The following TMEM260 variants were observed in gnomAD, a reference collection of about 807,000 sequenced individuals.
The protein encoded by TMEM260 is transmembrane protein 260, also known as protein O-mannosyl-transferase TMEM260.
A neutral mutation model predicts 88.9 loss-of-function variants in TMEM260; 82 were observed. The ratio of observed to expected loss-of-function variants is 0.92; its 90% confidence interval spans 0.77 to 1.11. The LOEUF (loss-of-function observed/expected upper bound fraction) is 1.11. TMEM260 is among the 50% of genes least tolerant of loss of function. The pLI is 0.00. For missense variants in TMEM260, 902 were observed against 853.4 expected (o/e 1.06, Z -0.71); for synonymous variants, 314 against 309.3 (o/e 1.02, Z -0.16).
chr14:56,641,184 G>A (rs570484761), intron 15 of TMEM260, among the ~76,000 whole-genome samples: 43 of 151,502 alleles, frequency 2.8e-4, no homozygotes, highest in East Asian at 1.4e-3. Flanking sequence ...GATACTCCTC[G>A]AGAAGAGCAA....
At chr14:56,611,810 T>G (rs1050779389) in intron 6 of TMEM260, among the ~76,000 whole-genome samples, 3 of 152,166 alleles carry the variant, frequency 2.0e-5, no homozygotes, top group Non-Finnish European at 4.4e-5. Context: ...AATGGTAGAC[T>G]GGATTTTTTT....
chr14:56,585,716 C>G, intron 2 of TMEM260, 45 bp from the exon 3 acceptor site: 3 of 1,590,452 alleles, frequency 1.9e-6, no homozygotes, highest in Non-Finnish European at 2.6e-6. Context: ...GGGACTCTTC[C>G]TTTCCTAGAT....
intron 7 of TMEM260, chr14:56,612,677 G>T: frequency 6.5e-6 from 1 of 154,660 alleles, no homozygotes; most frequent in Non-Finnish European, 1.4e-5. Context: ...GTATATGTTT[G>T]TACAGACAGT....
intron 11 of TMEM260, among the ~76,000 whole-genome samples, chr14:56,622,342 CAAAAAAA>C (rs71448489): frequency 8.0e-5 from 7 of 87,246 alleles, no homozygotes; most frequent in African/African-American, 3.4e-4. Flanking sequence ...GACTCCGTCT[CAAAAAAA>C]AAAAAAAAAA....
At chr14:56,630,494 A>T (rs1298924051) in intron 12 of TMEM260, among the ~76,000 whole-genome samples, 1 of 151,692 alleles carries the variant, frequency 6.6e-6, no homozygotes, top group African/African-American at 2.4e-5. Flanking sequence ...ATGTCTTCAA[A>T]TTCCCTGACA....
rs1218882311 is a variant in TMEM260, at chr14:56,584,986, A to G, written c.161-15A>G. 6.2e-7 allele frequency: 1 copy of G among 1,609,322 alleles called. No individual in the cohort carries two copies. The highest frequency in any genetic ancestry group is 1.3e-5 in the African/African-American group (1 of 74,822). On this transcript the variant is annotated splice_polypyrimidine_tract_variant and intron_variant, in intron 1 of 15. Coordinates refer to ENST00000261556, the MANE Select transcript of TMEM260 (RefSeq NM_017799.4). The stretch of plus-strand genomic sequence containing the variant: ...CTCTAATAGTAATTATTGGTTTTAC[A>G]TTATTTTTTCACAGGGGAACTGATC...
In TMEM260 at chr14:56,599,980, T is replaced by C. The variant is rs1886471178; in HGVS notation, c.345-3835T>C. ...TTCCAAAATGAAAAGAGATGATGAT[T>C]AGTCAGATACAGTAGACAATTTGGT... On this transcript the variant is annotated intron_variant, in intron 3 of 15. Coordinates refer to ENST00000261556, the MANE Select transcript of TMEM260 (RefSeq NM_017799.4). Among the ~76,000 whole-genome samples, 3 of 152,210 alleles carry C rather than the reference T, an allele frequency of 2.0e-5. No homozygotes were observed. In the South Asian group the frequency reaches 6.2e-4, roughly 32 times the overall value.
intron 15 of TMEM260, among the ~76,000 whole-genome samples, chr14:56,640,517 G>A (rs1019620237): frequency 2.1e-4 from 32 of 152,214 alleles, no homozygotes; most frequent in South Asian, 2.1e-3. Context: ...ATCAAAGACC[G>A]AAGGTAGATA....
intron 15 of TMEM260, among the ~76,000 whole-genome samples, chr14:56,643,414 G>T (rs1889742504): frequency 6.6e-6 from 1 of 152,024 alleles, no homozygotes; most frequent in African/African-American, 2.4e-5. Flanking sequence ...AAAACCACAT[G>T]ATTATCTCAA....
rs535550900 is a variant in TMEM260, at chr14:56,642,578, C to A, written c.1870-4665C>A. Among the ~76,000 whole-genome samples, 64 of 152,194 alleles carry A rather than the reference C, an allele frequency of 4.2e-4. 1 individual carries two copies. The South Asian group carries it at 0.013, about 32-fold the overall frequency. ...GCAGGAAAGATCTAAAATTGACACC[C>A]TAACATCACAATTAAAAGAGCTAGA... On this transcript the variant is annotated intron_variant, in intron 15 of 15. Transcript: ENST00000261556.
chr14:56,650,622 T>C (rs951705316), downstream of TMEM260: 1 of 152,548 alleles, frequency 6.6e-6, no homozygotes, highest in Non-Finnish European at 1.5e-5. Context: ...GCTCATATTC[T>C]TAGTGTTTTC....
At chr14:56,653,741 C>CAAAAAAAAAAAAAAACAAAA (rs370392374), downstream of TMEM260, among the ~76,000 whole-genome samples, 1 of 97,912 alleles carries the variant, frequency 1.0e-5, no homozygotes, top group African/African-American at 4.0e-5. Context: ...GTCTCCAAAA[C>CAAAAAAAAAAAAAAACAAAA]AAAAAAAAAA....
At chr14:56,631,108 A>AAAG (rs1888562899) in intron 12 of TMEM260, among the ~76,000 whole-genome samples, 2 of 150,550 alleles carry the variant, frequency 1.3e-5, no homozygotes, top group South Asian at 4.2e-4. Flanking sequence ...AGCAGGAGTA[A>AAAG]AAGTTTATTA....
chr14:56,596,421 T>TAC (rs1212001356), intron 3 of TMEM260, among the ~76,000 whole-genome samples: 186 of 136,610 alleles, frequency 1.4e-3, no homozygotes, highest in Admixed American at 2.0e-3. Context: ...TATATATATA[T>TAC]ATATACATAC....
chr14:56,581,967 G>A (rs544634829), intron 1 of TMEM260, among the ~76,000 whole-genome samples: 6 of 152,152 alleles, frequency 3.9e-5, no homozygotes, highest in African/African-American at 1.2e-4. Context: ...GAATAAAGTT[G>A]TGTATTCACC....
At chr14:56,598,266 A>G (rs1402663830) in intron 3 of TMEM260, among the ~76,000 whole-genome samples, 1 of 152,184 alleles carries the variant, frequency 6.6e-6, no homozygotes, top group Non-Finnish European at 1.5e-5. Context: ...GAAGATCAAG[A>G]GCCAAAAAAG....
chr14:56,647,622 A>T lies in TMEM260; in HGVS notation c.*125A>T. ...ACTAAGTCATCTCCCAGATATAAGT[A>T]TCATGGTCCAGCAGTACTGTTTAAT... On this transcript the variant is annotated 3_prime_UTR_variant, in exon 16 of 16. Coordinates refer to ENST00000261556, the MANE Select transcript of TMEM260 (RefSeq NM_017799.4). 2.7e-6 allele frequency: 3 copies of T among 1,102,600 alleles called. No homozygotes were observed. The South Asian group carries it at 5.1e-5, about 19-fold the overall frequency. The allele number at this position is 1,102,600 out of a possible 1,614,324, so 68.3% of individuals were successfully genotyped here.
intron 3 of TMEM260, among the ~76,000 whole-genome samples, chr14:56,593,877 C>T (rs367931424): frequency 4.3e-4 from 65 of 150,540 alleles, no homozygotes; most frequent in Middle Eastern, 3.5e-3. Flanking sequence ...TTAGTAGAGA[C>T]GGGGTTTCAC....
At chr14:56,617,357 C>A in intron 9 of TMEM260, 60 bp downstream of exon 9, 1 of 1,120,824 alleles carries the variant, frequency 8.9e-7, no homozygotes, top group Non-Finnish European at 1.3e-6. Context: ...TGCAAATTTG[C>A]ATTTCATAAA....
Sources: allele counts gnomAD v4.1 joint callset (sites outside exome capture counted in the v4.1 genomes callset), GRCh38; gene constraint gnomAD v4.1.1; transcripts MANE v1.5; gene names NCBI Gene and HGNC (gene_info 2026-07-23, HGNC 2026-07-21).